The following LRRC24 variants were observed in gnomAD, a reference collection of about 807,000 sequenced individuals.
The protein encoded by LRRC24 is leucine-rich repeat-containing protein 24.
LRRC24 carries 19 observed loss-of-function variants against 15.3 expected under a neutral mutation model. The observed-to-expected ratio is 1.25, with a 90% CI of 0.87 to 1.83. The LOEUF (loss-of-function observed/expected upper bound fraction) is 1.83, where lower values mean the gene tolerates loss of function less well. Ranked by LOEUF, LRRC24 falls within the 40% of genes most tolerant of loss-of-function variation. LRRC24 has a pLI of 0.00. For missense variants in LRRC24, 914 were observed against 723.9 expected, an observed-to-expected ratio of 1.26 and a Z score of -3.01; for synonymous variants, 469 against 359.6, an observed-to-expected ratio of 1.30 and a Z score of -3.44.
rs1564824027 is a variant in LRRC24 at position 144,523,055 on chromosome 8, G to A, written c.962C>T (p.Ser321Leu). ...CATGCCGCTGCCCGTGTCGGATGCC[G>A]AGTGTCCGCCCAGGCCCAGCAACCC... ...EGGLLGLGGH[S>L]ASDTGSGMLF... is the part of the protein sequence containing the mutation. The change falls in exon 5 of 5, where the codon TCG becomes TTG. Residue 321 changes from serine to leucine, a missense_variant. Ser to Leu is a moderately radical substitution (Grantham distance 145). Coordinates refer to ENST00000529415, the MANE Select transcript of LRRC24 (RefSeq NM_001024678.4). The A allele has an allele frequency of 1.2e-6, 2 of 1,603,794 alleles. No individual in the cohort carries two copies.
chr8:144,522,467 C>A lies in LRRC24; in HGVS notation c.*8G>T. On this transcript the variant is annotated 3_prime_UTR_variant, in exon 5 of 5. Coordinates refer to ENST00000529415, the MANE Select transcript of LRRC24 (RefSeq NM_001024678.4). Reference sequence around the variant, plus strand: ...TCCGGCGCCCACGTCATCCGCGCGCCCGCGGCCCTAGCAGTGGATCTCGTA... The same window carrying A: ...TCCGGCGCCCACGTCATCCGCGCGCACGCGGCCCTAGCAGTGGATCTCGTA... 7.0e-7 allele frequency: 1 copy of A among 1,418,462 alleles called. No individual in the cohort carries two copies. The highest frequency in any genetic ancestry group is 9.1e-7 in the Non-Finnish European group (1 of 1,093,770). 87.9% of individuals were successfully genotyped at this position (1,418,462 alleles called of 1,614,324 possible).
At chr8:144,526,629 T>A (rs1243887145) in intron 1 of LRRC24, 13 of 152,264 alleles carry the variant, frequency 8.5e-5, no homozygotes, top group Non-Finnish European at 1.5e-5. Context: ...CACTGCCTCC[T>A]GGGCGCCCCT....
At position 144,522,651 on chromosome 8, in the gene LRRC24, A is replaced by C. The variant is rs144936052; in HGVS notation, c.1366T>G (p.Phe456Val). The C allele has an allele frequency of 6.3e-7, 1 of 1,587,860 alleles. No individual in the cohort carries two copies. The highest frequency in any genetic ancestry group is 1.4e-5 in the African/African-American group (1 of 72,688). The stretch of plus-strand genomic sequence containing the variant: ...TCGCGGAGCTCCTCTAGCTGTGCGA[A>C]CGTACAGGGGCCGTCCAAGTAGTCG... ...VNDYLDGPCT[F>V]AQLEELRDER... Residue 456 changes from phenylalanine to valine, a missense_variant, in exon 5 of 5, where the codon TTC becomes GTC. By Grantham distance (50) the Phe-to-Val change is conservative (BLOSUM62 -1). Transcript: ENST00000529415.
In LRRC24 at chr8:144,522,534, G is replaced by C. The variant is rs773198766; in HGVS notation, c.1483C>G (p.Gln495Glu). 3 of 1,524,100 alleles carry C rather than the reference G, an allele frequency of 2.0e-6. No individual in the cohort carries two copies. The highest frequency in any genetic ancestry group is 5.3e-5 in the East Asian group (2 of 37,534). The allele number at this position is 1,524,100 out of a possible 1,614,324, so 94.4% of individuals were successfully genotyped here. Residue 495 changes from glutamine (Q) to glutamate (E), a missense_variant, in exon 5 of 5, where the codon CAG becomes GAG. Coordinates refer to ENST00000529415, the MANE Select transcript of LRRC24 (RefSeq NM_001024678.4). The part of the protein sequence containing the change: ...AEAPADCGPE[Q>E]GAGPGLRVPP... The stretch of plus-strand genomic sequence containing the variant: ...ACGCGGAGTCCCGGCCCCGCCCCCT[G>C]TTCCGGGCCGCAGTCAGCGGGCGCC...
Position 144,522,805 on chromosome 8 carries a change from C to T in LRRC24, c.1212G>A (p.Gln404=). The T allele has an allele frequency of 6.5e-7, 1 of 1,534,932 alleles. No homozygotes were observed. The highest frequency in any genetic ancestry group is 8.7e-7 in the Non-Finnish European group (1 of 1,145,644). Residue 404 remains glutamine (Q), a synonymous_variant, in exon 5 of 5, where the codon CAG becomes CAA. Transcript: ENST00000529415. Reference sequence around the variant, plus strand: ...GCGCGATGGCCGCCGCAATGGCCGTCTGTGTGGCCACGCCCAGGGCGCGGA... The same window carrying T: ...GCGCGATGGCCGCCGCAATGGCCGTTTGTGTGGCCACGCCCAGGGCGCGGA... The part of the protein sequence containing the change: ...MAFRALGVAT[Q]TAIAAAIALL...
At position 144,522,600 on chromosome 8, in the gene LRRC24, T is replaced by C. The variant is rs1278792434; in HGVS notation, c.1417A>G (p.Ile473Val). Residue 473 changes from isoleucine (I) to valine (V), a missense_variant, in exon 5 of 5, where the codon ATC becomes GTC. Physicochemically the swap from Ile to Val is conservative, Grantham distance 29. Coordinates refer to ENST00000529415, the MANE Select transcript of LRRC24 (RefSeq NM_001024678.4). ...GCGAAGAGCGGCTTGGAGCGGTTGA[T>C]GACGAACATCTCGTGGCCGCGCTCG... ...RDERGHEMFV[I>V]NRSKPLFAEG... The C allele has an allele frequency of 3.2e-6, 5 of 1,568,074 alleles. No individual in the cohort carries two copies. The highest frequency in any genetic ancestry group is 3.7e-5 in the Admixed American group (2 of 54,402).
Position 144,522,555 on chromosome 8 carries a change from G to C in LRRC24, c.1462C>G (p.Pro488Ala), listed in dbSNP as rs529876907. The C allele has an allele frequency of 5.2e-6, 8 of 1,538,036 alleles. No homozygotes were observed. The East Asian group carries it at 2.1e-4, about 40-fold the overall frequency. The change falls in exon 5 of 5, where the codon CCC becomes GCC. Residue 488 changes from proline to alanine, a missense_variant. Transcript: ENST00000529415. ...PLFAEGPAEA[P>A]ADCGPEQGAG... ...CCCTGTTCCGGGCCGCAGTCAGCGG[G>C]CGCCTCCGCCGGACCCTCGGCGAAG...
intron 4 of LRRC24, chr8:144,523,753 A>G (rs760796465): frequency 1.0e-4 from 42 of 411,680 alleles, no homozygotes; most frequent in Non-Finnish European, 1.4e-4. Flanking sequence ...CTGAAACCTC[A>G]CAAGTCCTCT....
At chr8:144,523,848 C>T (rs949482904) in intron 4 of LRRC24, 2 of 494,204 alleles carry the variant, frequency 4.0e-6, no homozygotes, top group Non-Finnish European at 7.1e-6. Context: ...GTCTGCCTCC[C>T]CTCAGCCTAA....
intron 4 of LRRC24, 108 bp from the exon 5 acceptor site, chr8:144,523,517 C>T: frequency 7.1e-7 from 1 of 1,410,166 alleles, no homozygotes; most frequent in South Asian, 1.6e-5. Flanking sequence ...CCTCCCACAG[C>T]GTTTTCACAC....
Position 144,524,937 on chromosome 8 carries a change from A to C in LRRC24, c.38T>G (p.Leu13Arg), listed in dbSNP as rs1052689221. The C allele has an allele frequency of 6.6e-6, 10 of 1,509,610 alleles. No homozygotes were observed. The highest frequency in any genetic ancestry group is 1.4e-5 in the African/African-American group (1 of 71,838). The allele number at this position is 1,509,610 out of a possible 1,614,324, so 93.5% of individuals were successfully genotyped here. Residue 13 changes from leucine (L) to arginine (R), a missense_variant, in exon 2 of 5, where the codon CTG (leucine) becomes CGG (arginine). By Grantham distance (102) the Leu-to-Arg change is moderately radical. Coordinates refer to ENST00000529415, the MANE Select transcript of LRRC24 (RefSeq NM_001024678.4). ...GGCGGCGCGGAGCGGCAGTAGTAGCAGCAGCAGCGGCAGCAGTGCGGGGGC... is the reference window on the plus strand; with the variant it reads ...GGCGGCGCGGAGCGGCAGTAGTAGCCGCAGCAGCGGCAGCAGTGCGGGGGC... ...LRAPALLPLL[L>R]LLLPLRAAGC...
Position 144,524,921 on chromosome 8 carries a change from GAGCGGCAGTAGTAGCAGCAGC to G in LRRC24, c.33_53del (p.Leu12_Leu18del). 2 of 1,513,792 alleles carry G rather than the reference GAGCGGCAGTAGTAGCAGCAGC, an allele frequency of 1.3e-6. No homozygotes were observed. The highest frequency in any genetic ancestry group is 1.8e-6 in the Non-Finnish European group (2 of 1,132,366). The allele number at this position is 1,513,792 out of a possible 1,614,324, so 93.8% of individuals were successfully genotyped here. On this transcript the variant is annotated inframe_deletion, in exon 2 of 5. Transcript: ENST00000529415. Reference sequence around the variant, plus strand: ...AGGCTGCTGGGCAGCCGGCGGCGCGGAGCGGCAGTAGTAGCAGCAGCAGCGGCAGCAGTGCGGGGGCCCTCA... The same window carrying G: ...AGGCTGCTGGGCAGCCGGCGGCGCGGAGCGGCAGCAGTGCGGGGGCCCTCA...
rs933916827 is a variant in LRRC24, at chr8:144,524,758, G to C, written c.160-39C>G. 7.7e-6 allele frequency: 11 copies of C among 1,434,018 alleles called. No individual in the cohort carries two copies. In the South Asian group the frequency reaches 1.3e-4, roughly 17 times the overall value. 88.8% of individuals were successfully genotyped at this position (1,434,018 alleles called of 1,614,324 possible). ...AAAGAGGAGGCGCTTACCCCGTTGC[G>C]GGGGTCTTCCTCTCCCTGGGGGCAC... On this transcript the variant is annotated intron_variant, in intron 2 of 4. Transcript: ENST00000529415.
rs1178683091 is a variant in LRRC24 at position 144,523,166 on chromosome 8, G to C, written c.851C>G (p.Ser284Cys). Residue 284 changes from serine to cysteine, a missense_variant, in exon 5 of 5, where the codon TCC (serine) becomes TGC (cysteine). Physicochemically the swap from Ser to Cys is moderately radical, Grantham distance 112. Coordinates refer to ENST00000529415, the MANE Select transcript of LRRC24 (RefSeq NM_001024678.4). ...GGTCACCAATGGCTGCGGGTAGCCG[G>C]AGGCTTGGCAGGCAACCCGCAGGTC... is the stretch of plus-strand genomic sequence containing the variant. ...GEDLRVACQA[S>C]GYPQPLVTWR... 6.2e-7 allele frequency: 1 copy of C among 1,610,566 alleles called. No individual in the cohort carries two copies. The highest frequency in any genetic ancestry group is 2.2e-5 in the East Asian group (1 of 44,826).
chr8:144,524,270 C>G lies in LRRC24; in HGVS notation c.447G>C (p.Gln149His). 1 of 1,611,932 alleles carries G rather than the reference C, an allele frequency of 6.2e-7. No homozygotes were observed. The highest frequency in any genetic ancestry group is 1.3e-5 in the African/African-American group (1 of 75,060). ...TGCTGTTTTCTTGCAGGTGAAGCTC[C>G]TGCAGTCGCTGAAGTAAGGACAGCA... ...DFTFLHLPRLQELHLQENSIE... is the reference protein window; with the variant it reads ...DFTFLHLPRLHELHLQENSIE... The change falls in exon 4 of 5, where the codon CAG becomes CAC. Residue 149 changes from glutamine to histidine, a missense_variant. Coordinates refer to ENST00000529415, the MANE Select transcript of LRRC24 (RefSeq NM_001024678.4).
Position 144,523,128 on chromosome 8 carries a change from G to A in LRRC24, c.889C>T (p.Pro297Ser). Residue 297 changes from proline to serine, a missense_variant, in exon 5 of 5, where the codon CCC becomes TCC. Coordinates refer to ENST00000529415, the MANE Select transcript of LRRC24 (RefSeq NM_001024678.4). ...PQPLVTWRKV[P>S]QPREGRPRAQ... ...CGCGGCCGGCCCTCGCGAGGCTGGG[G>A]CACCTTTCTCCAGGTCACCAATGGC... 1 of 1,610,292 alleles carries A rather than the reference G, an allele frequency of 6.2e-7. No homozygotes were observed. Among genetic ancestry groups the A allele is most frequent in the Non-Finnish European group, 8.5e-7 (1 of 1,179,524 alleles).
chr8:144,524,490 G>A lies in LRRC24; in HGVS notation c.389C>T (p.Ala130Val). Residue 130 changes from alanine (A) to valine (V), a missense_variant, in exon 3 of 5, where the codon GCG (alanine) becomes GTG (valine). Ala to Val is a moderately conservative substitution (Grantham distance 64). Transcript: ENST00000529415. ...GLAQLRVLYL[A>V]GNQLARLLDF... The stretch of plus-strand genomic sequence containing the variant: ...CAGCAGCCGCGCCAGCTGGTTGCCC[G>A]CCAGGTAGAGCACGCGCAGCTGGGC... 6.3e-7 allele frequency: 1 copy of A among 1,597,436 alleles called. No individual in the cohort carries two copies. Among genetic ancestry groups the A allele is most frequent in the Non-Finnish European group, 8.5e-7 (1 of 1,179,730 alleles).
rs1249786197 is a variant in LRRC24, at chr8:144,523,249, G to A, written c.768C>T (p.Ile256=). 6.2e-7 allele frequency: 1 copy of A among 1,610,614 alleles called. No homozygotes were observed. Among genetic ancestry groups the A allele is most frequent in the Non-Finnish European group, 8.5e-7 (1 of 1,179,040 alleles). Residue 256 remains isoleucine, a synonymous_variant, in exon 5 of 5, where the codon ATC becomes ATT. Transcript: ENST00000529415. The part of the protein sequence containing the change: ...SLLDVSHSSL[I]CIPPSVHVQP... ...GCACGTGGACAGAGGGCGGAATGCA[G>A]ATGAGGCTGCTGTGGGATACGTCCA...
rs201638765 is a variant in LRRC24, at chr8:144,524,157, C to T, written c.560G>A (p.Arg187Gln). 91 of 1,610,068 alleles carry T rather than the reference C, an allele frequency of 5.7e-5. No homozygotes were observed. The highest frequency in any genetic ancestry group is 2.2e-5 in the East Asian group (1 of 44,800). ...ACTGGCCAGGGGCTGCAGGGCCTCTCGGCTGATGGTGCCCAGCTGGTTCCT... is the reference window on the plus strand; with the variant it reads ...ACTGGCCAGGGGCTGCAGGGCCTCTTGGCTGATGGTGCCCAGCTGGTTCCT... ...LSRNQLGTISREALQPLASLQ... is the reference protein window; with the variant it reads ...LSRNQLGTISQEALQPLASLQ... The change falls in exon 4 of 5, where the codon CGA becomes CAA. Residue 187 changes from arginine to glutamine, a missense_variant. Arg to Gln is a conservative substitution (Grantham distance 43). Coordinates refer to ENST00000529415, the MANE Select transcript of LRRC24 (RefSeq NM_001024678.4).
Sources: gnomAD v4.1 joint callset for allele counts on GRCh38, gnomAD v4.1.1 for gene constraint, MANE v1.5 for transcripts, NCBI Gene and HGNC (gene_info 2026-07-23, HGNC 2026-07-21) for gene names.